The following LINGO2 variants were observed in gnomAD, a reference collection of about 807,000 sequenced individuals.
LINGO2 encodes leucine rich repeat and Ig domain containing 2, also known as leucine-rich repeat and immunoglobulin-like domain-containing nogo receptor-interacting protein 2.
LINGO2 carries 14 observed loss-of-function variants against 30.6 expected under a neutral mutation model. That is an observed-to-expected ratio of 0.46 (90% CI 0.30 to 0.72). LINGO2 has a LOEUF of 0.72. LINGO2 is among the 30% of genes least tolerant of loss of function. The pLI, the probability that LINGO2 is intolerant of heterozygous loss-of-function variation, is 0.07. For synonymous variants in LINGO2, 317 were observed against 288.5 expected, an observed-to-expected ratio of 1.10 and a Z score of -1.00; for missense variants, 729 against 751.7, an observed-to-expected ratio of 0.97 and a Z score of 0.35.
At chr9:28,814,841 A>T in the LINGO2 span, among the ~76,000 whole-genome samples, 8 of 152,106 alleles carry the variant, frequency 5.3e-5, no homozygotes, top group Non-Finnish European at 1.2e-4. Context: ...GTCAAGAGCA[A>T]ATTAGTGGTT....
the LINGO2 span, among the ~76,000 whole-genome samples, chr9:29,075,848 T>C: frequency 6.6e-6 from 1 of 152,120 alleles, no homozygotes. Context: ...GTGGTAGTGG[T>C]AACTCTCCTC....
At chr9:28,988,191 T>C in the LINGO2 span, among the ~76,000 whole-genome samples, 2 of 152,208 alleles carry the variant, frequency 1.3e-5, no homozygotes, top group African/African-American at 4.8e-5. Flanking sequence ...TTAATATTTG[T>C]TATATTTATC....
intron 4 of LINGO2, among the ~76,000 whole-genome samples, chr9:28,290,019 T>C (rs1372847237): frequency 2.0e-5 from 3 of 152,240 alleles, no homozygotes; most frequent in East Asian, 1.9e-4. Context: ...CAGGAAGCCA[T>C]GTACATGTCT....
chr9:29,199,275 T>C, the LINGO2 span, among the ~76,000 whole-genome samples: 1 of 152,134 alleles, frequency 6.6e-6, no homozygotes. Context: ...ACTGGTTAAA[T>C]GCCCTGCCCA....
the LINGO2 span, among the ~76,000 whole-genome samples, chr9:29,149,786 C>T: frequency 6.6e-6 from 1 of 152,176 alleles, no homozygotes; most frequent in Non-Finnish European, 1.5e-5. Context: ...AGAACGAAGC[C>T]ATAGATGCAC....
intron 4 of LINGO2, among the ~76,000 whole-genome samples, chr9:28,224,494 TTTTC>T (rs1357768391): frequency 6.6e-6 from 1 of 152,216 alleles, no homozygotes; most frequent in Non-Finnish European, 1.5e-5. Context: ...AATATTTACC[TTTTC>T]TTTATGTGGG....
At chr9:28,923,152 G>C in the LINGO2 span, among the ~76,000 whole-genome samples, 4 of 152,128 alleles carry the variant, frequency 2.6e-5, no homozygotes, top group African/African-American at 9.7e-5. Flanking sequence ...CCTGCTTTCA[G>C]CCCGGGAAAA....
chr9:29,005,335 A>G, the LINGO2 span, among the ~76,000 whole-genome samples: 1 of 152,030 alleles, frequency 6.6e-6, no homozygotes, highest in East Asian at 1.9e-4. Context: ...ACAAACACAC[A>G]CAACATATGG....
chr9:28,043,486 A>G (rs967174397), intron 4 of LINGO2, among the ~76,000 whole-genome samples: 10 of 152,322 alleles, frequency 6.6e-5, no homozygotes, highest in South Asian at 4.2e-4. Context: ...CTGGAAACAA[A>G]TTACGTAAAT....
the LINGO2 span, among the ~76,000 whole-genome samples, chr9:28,874,275 A>G: frequency 3.9e-5 from 6 of 152,098 alleles, no homozygotes; most frequent in African/African-American, 1.4e-4. Flanking sequence ...CATCTGGTCT[A>G]TGTACTCAGT....
chr9:28,812,747 T>C, the LINGO2 span, among the ~76,000 whole-genome samples: 3 of 152,186 alleles, frequency 2.0e-5, no homozygotes, highest in African/African-American at 7.2e-5. Flanking sequence ...GTGATTTATT[T>C]GGTTGAGATA....
At chr9:28,149,492 C>A (rs529591610) in intron 4 of LINGO2, among the ~76,000 whole-genome samples, 1 of 150,000 alleles carries the variant, frequency 6.7e-6, no homozygotes, top group Non-Finnish European at 1.5e-5. Context: ...AAGTGACGAG[C>A]GCCTCTGCCC....
chr9:28,887,332 C>T, the LINGO2 span, among the ~76,000 whole-genome samples: 129,164 of 151,656 alleles, frequency 0.85, 55,174 homozygotes, highest in Non-Finnish European at 0.89. Flanking sequence ...TGAATGAGGC[C>T]TATTGTTCTA....
Position 27,994,104 on chromosome 9 carries a change from A to G in LINGO2, c.-36+18251T>C, listed in dbSNP as rs1478371207. On this transcript the variant is annotated intron_variant, in intron 5 of 5. Transcript: ENST00000379992. ...GAAACTTAAAAATTTCTTGAGACAC[A>G]TTAAAATGGAAACAACATACTAAAA... is the stretch of plus-strand genomic sequence containing the variant. Among the ~76,000 whole-genome samples the G allele has an allele frequency of 3.3e-5, 5 of 152,216 alleles. No individual in the cohort carries two copies. The East Asian group carries it at 9.7e-4, about 29-fold the overall frequency.
chr9:28,460,479 A>G (rs1233002541), intron 2 of LINGO2, among the ~76,000 whole-genome samples: 1 of 152,178 alleles, frequency 6.6e-6, no homozygotes, highest in African/African-American at 2.4e-5. Flanking sequence ...TTTAAAGTCC[A>G]GATTATAGAC....
At chr9:28,374,622 G>A (rs1165756428) in intron 2 of LINGO2, among the ~76,000 whole-genome samples, 2 of 152,048 alleles carry the variant, frequency 1.3e-5, no homozygotes, top group Non-Finnish European at 2.9e-5. Context: ...AATAAGGATG[G>A]AAGCTCTATC....
chr9:28,479,911 GTATATATA>G (rs58972403), intron 1 of LINGO2, among the ~76,000 whole-genome samples: 6,479 of 49,766 alleles, frequency 0.13, 690 homozygotes, highest in East Asian at 0.18. Flanking sequence ...ATATACGTAG[GTATATATA>G]TATATATATA....
chr9:29,060,124 T>C, the LINGO2 span, among the ~76,000 whole-genome samples: 1 of 152,074 alleles, frequency 6.6e-6, no homozygotes, highest in African/African-American at 2.4e-5. Context: ...TCTTCTTTTT[T>C]CTAAAGACTG....
chr9:28,014,857 T>C (rs1470215278), intron 4 of LINGO2, among the ~76,000 whole-genome samples: 2 of 152,118 alleles, frequency 1.3e-5, no homozygotes, highest in Non-Finnish European at 2.9e-5. Context: ...TCATGCAAAT[T>C]CAATATTTTT....
Sources: gnomAD v4.1 joint callset for allele counts (sites outside exome capture counted in the v4.1 genomes callset) on GRCh38, gnomAD v4.1.1 for gene constraint, MANE v1.5 for transcripts, NCBI Gene and HGNC (gene_info 2026-07-23, HGNC 2026-07-21) for gene names.